The following LMNTD2 variants were observed in gnomAD, a reference collection of about 807,000 sequenced individuals.
LMNTD2 encodes lamin tail domain-containing protein 2.
LMNTD2 carries 83 observed loss-of-function variants against 70.1 expected under a neutral mutation model. That is an observed-to-expected ratio of 1.18 (90% confidence interval 0.99 to 1.42). The LOEUF (loss-of-function observed/expected upper bound fraction) is 1.42, where lower values mean the gene tolerates loss of function less well. LMNTD2 is among the 40% of genes most tolerant of loss of function. The pLI, the probability that LMNTD2 is intolerant of heterozygous loss-of-function variation, is 0.00. For missense variants in LMNTD2, 1,153 were observed against 905.9 expected (o/e 1.27, Z -3.50); for synonymous variants, 534 against 406.1 (o/e 1.31, Z -3.79).
rs1853086086 is a variant in LMNTD2, at chr11:558,952, C to T, written c.62G>A (p.Gly21Glu). The T allele has an allele frequency of 1.2e-6, 2 of 1,603,670 alleles. No individual in the cohort carries two copies. Among genetic ancestry groups the T allele is most frequent in the African/African-American group, 2.7e-5 (2 of 74,888 alleles). Residue 21 changes from glycine (G) to glutamate (E), a missense_variant, in exon 2 of 14, where the codon GGA becomes GAA. Coordinates refer to ENST00000329451, the MANE Select transcript of LMNTD2 (RefSeq NM_173573.3). ...REQESVSGHL[G>E]PPAGAPAAPE... ...GGCTGCAGGTGCGCCTGCTGGAGGTCCCAGGTGACCACTGACCGACTCTTG... is the reference window on the plus strand; with the variant it reads ...GGCTGCAGGTGCGCCTGCTGGAGGTTCCAGGTGACCACTGACCGACTCTTG...
rs761222980 is a variant in LMNTD2 at position 558,779 on chromosome 11, C to T, written c.159-13G>A. The T allele has an allele frequency of 2.2e-4, 354 of 1,602,656 alleles. 1 individual carries two copies. Among genetic ancestry groups the T allele is most frequent in the Non-Finnish European group, 2.6e-4 (308 of 1,172,534 alleles). On this transcript the variant is annotated splice_polypyrimidine_tract_variant and intron_variant, in intron 2 of 13. Coordinates refer to ENST00000329451, the MANE Select transcript of LMNTD2 (RefSeq NM_173573.3). The stretch of plus-strand genomic sequence containing the variant: ...CTCAAGAGCCAACCTGCAGCGGCAG[C>T]AGACCCTGCTGCTTACTCAGGCCGG...
chr11:560,656 G>A (rs1315629328), intron 1 of LMNTD2, 27 bp downstream of exon 1: 7 of 1,392,622 alleles, frequency 5.0e-6, no homozygotes, highest in African/African-American at 1.5e-5. Context: ...TGAGGAAGTC[G>A]GCCCAGGAGC....
intron 9 of LMNTD2, 43 bp from the exon 10 acceptor site, chr11:556,418 C>G: frequency 6.5e-7 from 1 of 1,543,026 alleles, no homozygotes; most frequent in South Asian, 1.2e-5. Flanking sequence ...GGCCGGTCCA[C>G]CCGCACAGCT....
intron 7 of LMNTD2, 84 bp downstream of exon 7, chr11:557,315 T>C: frequency 6.9e-7 from 1 of 1,444,378 alleles, no homozygotes. Flanking sequence ...GGACACTAAA[T>C]GGTCCTTTAG....
chr11:558,292 G>T, intron 3 of LMNTD2, 44 bp from the exon 4 acceptor site: 1 of 1,594,154 alleles, frequency 6.3e-7, no homozygotes. Context: ...TGCTCAGGCA[G>T]GGGTTCCTAA....
At position 555,004 on chromosome 11, in the gene LMNTD2, G is replaced by A. The variant is rs759147484; in HGVS notation, c.1881C>T (p.Thr627=). ...CCTAGGCGCCGCGGCAGGTGTCCGC[G>A]GTGACCGGCAGGCAGCTGAGGAAGC... The part of the protein sequence containing the change: ...GFRFLSCLPV[T]ADTCRGA Residue 627 remains threonine, a synonymous_variant, in exon 14 of 14, where the codon ACC becomes ACT. Transcript: ENST00000329451. The A allele has an allele frequency of 5.0e-6, 8 of 1,589,750 alleles. No homozygotes were observed. Among genetic ancestry groups the A allele is most frequent in the Admixed American group, 3.4e-5 (2 of 58,074 alleles).
At position 560,444 on chromosome 11, in the gene LMNTD2, C is replaced by T. The variant is rs537538966; in HGVS notation, c.34+239G>A. The T allele has an allele frequency of 1.0e-5, 13 of 1,250,028 alleles. No individual in the cohort carries two copies. In the Admixed American group the frequency reaches 3.8e-4, roughly 37 times the overall value. 77.4% of individuals were successfully genotyped at this position (1,250,028 alleles called of 1,614,324 possible). A position where few individuals can be genotyped will look rare whatever the true frequency, so the allele number is the denominator to read the frequency against. On this transcript the variant is annotated intron_variant, in intron 1 of 13. Transcript: ENST00000329451. ...CTGCGCCCGCCAGCTCCGCAGGGCT[C>T]CACCTCCCTCGCCGGGACTGGTGAC...
In LMNTD2 at chr11:555,822, C is replaced by T; in HGVS notation, c.1486G>A (p.Gly496Ser). The T allele has an allele frequency of 1.3e-6, 2 of 1,537,792 alleles. No individual in the cohort carries two copies. Among genetic ancestry groups the T allele is most frequent in the Non-Finnish European group, 8.7e-7 (1 of 1,152,252 alleles). ...DRFPLPEAGP[G>S]ADTRKPPRPP... ...CGCGGCGGCTTGCGGGTGTCGGCGCCGGGCCCGGCCTCAGGGAGCGGGAAG... is the reference window on the plus strand; with the variant it reads ...CGCGGCGGCTTGCGGGTGTCGGCGCTGGGCCCGGCCTCAGGGAGCGGGAAG... Residue 496 changes from glycine to serine, a missense_variant, in exon 12 of 14, where the codon GGC (glycine) becomes AGC (serine). Transcript: ENST00000329451.
At position 557,553 on chromosome 11, in the gene LMNTD2, C is replaced by T. The variant is rs200143254; in HGVS notation, c.624+19G>A. On this transcript the variant is annotated intron_variant, in intron 6 of 13. Transcript: ENST00000329451. ...AGGGCTCCAGATACCAGACCACACA[C>T]GTGGGAGGCCTAGCTCACCTCCCCG... is the stretch of plus-strand genomic sequence containing the variant. The T allele has an allele frequency of 6.4e-5, 103 of 1,613,406 alleles. 1 individual carries two copies. The East Asian group carries it at 1.4e-3, about 23-fold the overall frequency.
In LMNTD2 at chr11:558,939, G is replaced by A. The variant is rs114586011; in HGVS notation, c.75C>T (p.Gly25=). ...TGGGAGTCTCGGGGGCTGCAGGTGC[G>A]CCTGCTGGAGGTCCCAGGTGACCAC... ...SVSGHLGPPA[G]APAAPETPTC... Residue 25 remains glycine, a synonymous_variant, in exon 2 of 14, where the codon GGC becomes GGT. Transcript: ENST00000329451. 1,024 of 1,605,918 alleles carry A rather than the reference G, an allele frequency of 6.4e-4. 7 individuals are homozygous for A. The African/African-American group carries it at 0.011, about 17-fold the overall frequency.
In LMNTD2 at chr11:560,721, G is replaced by A; in HGVS notation, c.-5C>T. 2.1e-6 allele frequency: 3 copies of A among 1,432,840 alleles called. No homozygotes were observed. Among genetic ancestry groups the A allele is most frequent in the Non-Finnish European group, 2.8e-6 (3 of 1,085,958 alleles). 88.8% of individuals were successfully genotyped at this position (1,432,840 alleles called of 1,614,324 possible). A position where few individuals can be genotyped will look rare whatever the true frequency, so the allele number is the denominator to read the frequency against. Reference sequence around the variant, plus strand: ...CGCGGGCCGCAGCCACCGCATTTCCGCGTTTTTCGCGGTAGGCGGGAGGTG... The same window carrying A: ...CGCGGGCCGCAGCCACCGCATTTCCACGTTTTTCGCGGTAGGCGGGAGGTG... On this transcript the variant is annotated 5_prime_UTR_variant, in exon 1 of 14. Coordinates refer to ENST00000329451, the MANE Select transcript of LMNTD2 (RefSeq NM_173573.3).
At chr11:559,107 CCA>C (rs1375093713) in intron 1 of LMNTD2, 128 bp from the exon 2 acceptor site, 1 of 1,509,568 alleles carries the variant, frequency 6.6e-7, no homozygotes, top group African/African-American at 1.4e-5. Context: ...CCTCGTGTGG[CCA>C]CACAGGTTGG....
rs1441301157 is a variant in LMNTD2, at chr11:560,738, C to T, written c.-22G>A. On this transcript the variant is annotated 5_prime_UTR_variant, in exon 1 of 14. Transcript: ENST00000329451. Reference sequence around the variant, plus strand: ...GCATTTCCGCGTTTTTCGCGGTAGGCGGGAGGTGGGGGCGGGGACTGCGGC... The same window carrying T: ...GCATTTCCGCGTTTTTCGCGGTAGGTGGGAGGTGGGGGCGGGGACTGCGGC... The T allele has an allele frequency of 5.1e-6, 7 of 1,377,774 alleles. No homozygotes were observed. The highest frequency in any genetic ancestry group is 3.3e-5 in the East Asian group (1 of 29,944). The allele number at this position is 1,377,774 out of a possible 1,614,324, so 85.3% of individuals were successfully genotyped here.
At chr11:558,530 G>A (rs917665972) in intron 3 of LMNTD2, 84 bp downstream of exon 3, 5 of 1,476,528 alleles carry the variant, frequency 3.4e-6, no homozygotes, top group South Asian at 1.3e-5. Flanking sequence ...CTGCCTCAGC[G>A]GTTGGGGTTG....
chr11:555,442 C>T lies in LMNTD2; in HGVS notation c.1636G>A (p.Ala546Thr). ...GKLFHAREGP[A>T]RPENPEIPAP... Reference sequence around the variant, plus strand: ...GGGATCTCGGGGTTCTCGGGCCGCGCAGGCCCCTCCCGCGCGTGGAAGAGC... The same window carrying T: ...GGGATCTCGGGGTTCTCGGGCCGCGTAGGCCCCTCCCGCGCGTGGAAGAGC... The change falls in exon 13 of 14, where the codon GCG becomes ACG. Residue 546 changes from alanine (A) to threonine (T), a missense_variant. By Grantham distance (58) the Ala-to-Thr change is moderately conservative. Transcript: ENST00000329451. 7.2e-7 allele frequency: 1 copy of T among 1,383,668 alleles called. No homozygotes were observed. Among genetic ancestry groups the T allele is most frequent in the Non-Finnish European group, 9.3e-7 (1 of 1,074,996 alleles). 85.7% of individuals were successfully genotyped at this position (1,383,668 alleles called of 1,614,324 possible).
In LMNTD2 at chr11:555,121, G is replaced by GC; in HGVS notation, c.1774-11dup. ...CGCTCTTCCGGCACACCTGGGGGGCGCGGGGGCTGAGAGGCGCGCGGGGCG... is the reference window on the plus strand; with the variant it reads ...CGCTCTTCCGGCACACCTGGGGGGCGCCGGGGGCTGAGAGGCGCGCGGGGCG... On this transcript the variant is annotated splice_polypyrimidine_tract_variant and intron_variant, in intron 13 of 13. Coordinates refer to ENST00000329451, the MANE Select transcript of LMNTD2 (RefSeq NM_173573.3). 1 of 1,440,588 alleles carries GC rather than the reference G, an allele frequency of 6.9e-7. No homozygotes were observed. The highest frequency in any genetic ancestry group is 2.8e-5 in the East Asian group (1 of 35,714). The allele number at this position is 1,440,588 out of a possible 1,614,324, so 89.2% of individuals were successfully genotyped here.
chr11:559,028 C>T (rs765768863), intron 1 of LMNTD2, 49 bp from the exon 2 acceptor site: 29 of 1,584,142 alleles, frequency 1.8e-5, no homozygotes, highest in Non-Finnish European at 2.4e-5. Context: ...ACCTCCTGGC[C>T]AGACTTGGGG....
Position 556,026 on chromosome 11 carries a change from G to T in LMNTD2, c.1347C>A (p.Cys449Ter), listed in dbSNP as rs1167269258. 1 of 1,557,044 alleles carries T rather than the reference G, an allele frequency of 6.4e-7. No homozygotes were observed. The highest frequency in any genetic ancestry group is 1.8e-5 in the Admixed American group (1 of 55,518). The stretch of plus-strand genomic sequence containing the variant: ...CCTTGGGGCTCAGGAGCAGCGTCGC[G>T]CAGCCGCGGATGGAGAGGAGGGGAA... ...EPVPLLSIRG[C>*]ATLLLSPKGE... is the part of the protein sequence containing the mutation. The change falls in exon 11 of 14, where the codon TGC becomes TGA. Residue 449 changes from cysteine to a stop codon, truncating the protein, a stop_gained. Transcript: ENST00000329451. LOFTEE classifies it high-confidence loss of function.
In LMNTD2 at chr11:555,881, A is replaced by T; in HGVS notation, c.1427T>A (p.Val476Asp). 6.4e-7 allele frequency: 1 copy of T among 1,562,556 alleles called. No homozygotes were observed. The highest frequency in any genetic ancestry group is 8.6e-7 in the Non-Finnish European group (1 of 1,160,148). The change falls in exon 12 of 14, where the codon GTC (valine) becomes GAC (aspartate). Residue 476 changes from valine (V) to aspartate (D), a missense_variant. Physicochemically the swap from Val to Asp is radical, Grantham distance 152 (BLOSUM62 -3). Coordinates refer to ENST00000329451, the MANE Select transcript of LMNTD2 (RefSeq NM_173573.3). ...IPRRETPAPR[V>D]FADGTDLSID... ...GGACAAGTCGGTGCCGTCGGCGAAG[A>T]CCCTCGGGGCCGGAGTCTCGCGGCG...
Sources: allele counts gnomAD v4.1 joint callset, GRCh38; gene constraint gnomAD v4.1.1; transcripts MANE v1.5; gene names NCBI Gene and HGNC (gene_info 2026-07-23, HGNC 2026-07-21).